TNFSF4: variants seen among roughly 807,000 people sequenced by gnomAD.
TNFSF4 encodes the protein TNF superfamily member 4, also known as tumor necrosis factor ligand superfamily member 4.
TNFSF4 carries 4 observed loss-of-function variants against 7.3 expected under a neutral mutation model. That is an observed-to-expected ratio of 0.55 (90% CI 0.27 to 1.25). The LOEUF is 1.25. TNFSF4 is among the 50% of genes most tolerant of loss of function. The pLI is 0.12. For synonymous variants in TNFSF4, 76 were observed against 83.7 expected (o/e 0.91, Z 0.50); for missense variants, 181 against 208.8 (o/e 0.87, Z 0.82).
intron 1 of TNFSF4, among the ~76,000 whole-genome samples, chr1:173,203,978 C>G (rs1466448879): frequency 6.6e-6 from 1 of 152,178 alleles, no homozygotes; most frequent in Admixed American, 6.5e-5. Context: ...GAATTATATA[C>G]CTTATGTCAT....
At chr1:173,392,302 A>G in the TNFSF4 span, among the ~76,000 whole-genome samples, 1 of 152,356 alleles carries the variant, frequency 6.6e-6, no homozygotes, top group East Asian at 1.9e-4. Flanking sequence ...AAATGTGAAT[A>G]AACACAGTAC....
At chr1:173,377,367 C>A in the TNFSF4 span, among the ~76,000 whole-genome samples, 7 of 152,174 alleles carry the variant, frequency 4.6e-5, no homozygotes, top group African/African-American at 9.7e-5. Flanking sequence ...TCTCTAACAA[C>A]CCCCGAGCCA....
At chr1:173,189,437 T>C (rs1227299818) in intron 1 of TNFSF4, among the ~76,000 whole-genome samples, 1 of 152,200 alleles carries the variant, frequency 6.6e-6, no homozygotes, top group Non-Finnish European at 1.5e-5. Context: ...CCTACAGAGC[T>C]CAATATATTT....
the TNFSF4 span, among the ~76,000 whole-genome samples, chr1:173,227,712 C>A: frequency 6.6e-6 from 1 of 152,218 alleles, no homozygotes; most frequent in African/African-American, 2.4e-5. Flanking sequence ...ACAGATGGCA[C>A]CTGGAAAATC....
chr1:173,232,269 T>G, the TNFSF4 span, among the ~76,000 whole-genome samples: 1 of 152,178 alleles, frequency 6.6e-6, no homozygotes, highest in South Asian at 2.1e-4. Flanking sequence ...GCTCTCTGAT[T>G]GTCTGTTATT....
At chr1:173,416,608 T>TTTTTTTATTTATTTATTTATTTA in the TNFSF4 span, among the ~76,000 whole-genome samples, 2 of 121,942 alleles carry the variant, frequency 1.6e-5, no homozygotes, top group Non-Finnish European at 3.4e-5. Flanking sequence ...ATTTTTTTAT[T>TTTTTTTATTTATTTATTTATTTA]TTTATTTATT....
At chr1:173,433,892 G>A in the TNFSF4 span, among the ~76,000 whole-genome samples, 1 of 152,148 alleles carries the variant, frequency 6.6e-6, no homozygotes, top group African/African-American at 2.4e-5. Context: ...GATCATATCC[G>A]AGTAAAATAG....
the TNFSF4 span, among the ~76,000 whole-genome samples, chr1:173,315,731 T>G: frequency 6.6e-6 from 1 of 152,148 alleles, no homozygotes; most frequent in Non-Finnish European, 1.5e-5. Context: ...CTTATCAAGA[T>G]TGTGTCAGAT....
the TNFSF4 span, among the ~76,000 whole-genome samples, chr1:173,277,254 CT>C: frequency 6.6e-6 from 1 of 152,128 alleles, no homozygotes; most frequent in African/African-American, 2.4e-5. Flanking sequence ...ATGAAGGTAA[CT>C]ATTCAGGATC....
At chr1:173,361,971 C>T in the TNFSF4 span, among the ~76,000 whole-genome samples, 1 of 152,150 alleles carries the variant, frequency 6.6e-6, no homozygotes, top group African/African-American at 2.4e-5. Context: ...CCATCAATTC[C>T]AAGAGGGCCA....
At chr1:173,378,560 A>G in the TNFSF4 span, among the ~76,000 whole-genome samples, 1 of 152,158 alleles carries the variant, frequency 6.6e-6, no homozygotes, top group Non-Finnish European at 1.5e-5. Context: ...GCGTGGCCCC[A>G]ATATTCTCTC....
chr1:173,364,379 G>GTA, the TNFSF4 span, among the ~76,000 whole-genome samples: 6,048 of 108,954 alleles, frequency 0.056, 286 homozygotes, highest in African/African-American at 0.17. Flanking sequence ...TGGGGTGTAT[G>GTA]TGTATATATA....
At chr1:173,212,306 C>T (rs1285071272), upstream of TNFSF4, among the ~76,000 whole-genome samples, 1 of 152,246 alleles carries the variant, frequency 6.6e-6, no homozygotes, top group East Asian at 1.9e-4. Flanking sequence ...GGACAAACAT[C>T]GAAACCATAG....
At chr1:173,444,503 GA>G in the TNFSF4 span, among the ~76,000 whole-genome samples, 1 of 149,760 alleles carries the variant, frequency 6.7e-6, no homozygotes, top group African/African-American at 2.4e-5. Flanking sequence ...CAGGTTTTGG[GA>G]AATTCTGGGT....
chr1:173,286,190 C>T, the TNFSF4 span, among the ~76,000 whole-genome samples: 1,353 of 152,242 alleles, frequency 8.9e-3, 20 homozygotes, highest in African/African-American at 0.031. Context: ...GTTCTATAGA[C>T]TCAGTTCAAT....
chr1:173,415,007 G>C, the TNFSF4 span, among the ~76,000 whole-genome samples: 1 of 152,084 alleles, frequency 6.6e-6, no homozygotes, highest in Non-Finnish European at 1.5e-5. Context: ...ATCCAATCAA[G>C]CTCCTCTTCC....
intron 1 of TNFSF4, among the ~76,000 whole-genome samples, chr1:173,202,397 C>A (rs28397630): frequency 2.0e-3 from 305 of 152,314 alleles, no homozygotes; most frequent in African/African-American, 7.0e-3. Context: ...TATCATCACT[C>A]TGCAAATAGT....
chr1:173,246,970 CT>C, the TNFSF4 span, among the ~76,000 whole-genome samples: 3 of 152,168 alleles, frequency 2.0e-5, no homozygotes, highest in African/African-American at 7.2e-5. Flanking sequence ...ATTTCTATAC[CT>C]TTTTTTCCTA....
At chr1:173,421,556 A>C in the TNFSF4 span, among the ~76,000 whole-genome samples, 2 of 152,086 alleles carry the variant, frequency 1.3e-5, no homozygotes, top group African/African-American at 4.8e-5. Flanking sequence ...AATCCTTGTC[A>C]CTGTTCTCAA....
Sources: gnomAD v4.1 joint callset for allele counts (sites outside exome capture counted in the v4.1 genomes callset) on GRCh38, gnomAD v4.1.1 for gene constraint, MANE v1.5 for transcripts, NCBI Gene and HGNC (gene_info 2026-07-23, HGNC 2026-07-21) for gene names.